PCDHGB3: variants seen among roughly 807,000 people sequenced by gnomAD.
PCDHGB3 encodes the protein protocadherin gamma-B3.
PCDHGB3 carries 40 observed loss-of-function variants against 59.2 expected under a neutral mutation model. The ratio of observed to expected loss-of-function variants is 0.68; its 90% CI spans 0.52 to 0.88. PCDHGB3 has a LOEUF of 0.88. PCDHGB3 is among the 40% of genes least tolerant of loss of function. PCDHGB3 has a pLI of 0.00. For missense variants in PCDHGB3, 1,309 were observed against 1,187.9 expected, an observed-to-expected ratio of 1.10 and a Z score of -1.50; for synonymous variants, 581 against 503.6, an observed-to-expected ratio of 1.15 and a Z score of -2.06.
chr5:141,435,853 T>C (rs1034164236), intron 1 of PCDHGB3, among the ~76,000 whole-genome samples: 1 of 152,110 alleles, frequency 6.6e-6, no homozygotes, highest in African/African-American at 2.4e-5. Context: ...AAAGATACAA[T>C]AGTTAAAACC....
intron 1 of PCDHGB3, chr5:141,404,222 G>A (rs1407928050): frequency 6.2e-7 from 1 of 1,613,616 alleles, no homozygotes; most frequent in Admixed American, 1.7e-5. Context: ...CACGGTGACT[G>A]CAACAGACAG....
intron 1 of PCDHGB3, chr5:141,408,161 C>T: frequency 2.0e-6 from 3 of 1,517,698 alleles, no homozygotes; most frequent in Non-Finnish European, 2.7e-6. Context: ...TGCACTTTCT[C>T]CAACTGGAAA....
At chr5:141,455,837 AT>A (rs2098833014) in intron 1 of PCDHGB3, among the ~76,000 whole-genome samples, 2 of 151,422 alleles carry the variant, frequency 1.3e-5, no homozygotes, top group African/African-American at 4.8e-5. Context: ...TTTCCTGTCT[AT>A]CTGCATAAAA....
intron 1 of PCDHGB3, among the ~76,000 whole-genome samples, chr5:141,433,497 C>G (rs2097615154): frequency 6.6e-6 from 1 of 152,076 alleles, no homozygotes; most frequent in Non-Finnish European, 1.5e-5. Flanking sequence ...CCCTCCCAAA[C>G]TGCTGGGATT....
chr5:141,382,075 C>T (rs1474505918), intron 1 of PCDHGB3, among the ~76,000 whole-genome samples: 3 of 151,956 alleles, frequency 2.0e-5, no homozygotes, highest in Non-Finnish European at 4.4e-5. Flanking sequence ...GTGATCCGCC[C>T]GCCTCGGCCT....
chr5:141,430,632 C>T, intron 1 of PCDHGB3: 1 of 852,604 alleles, frequency 1.2e-6, no homozygotes, highest in Non-Finnish European at 1.7e-6. Flanking sequence ...AATGAACCAT[C>T]CCTGGGAGTA....
Position 141,489,214 on chromosome 5 carries a change from T to TA in PCDHGB3, c.2416-5592dup, listed in dbSNP as rs771766565. On this transcript the variant is annotated intron_variant, in intron 1 of 3. Transcript: ENST00000576222. This position sits in a 1 kb window ranked among gnomAD's most constrained non-coding sequence, Gnocchi z 4.5. ...CCTTGGAGACAGGACAGCACAGACTTACTCTCCACAAAGGGACTTCTGGGT... is the reference window on the plus strand; with the variant it reads ...CCTTGGAGACAGGACAGCACAGACTTAACTCTCCACAAAGGGACTTCTGGGT... 216 of 1,480,534 alleles carry TA rather than the reference T, an allele frequency of 1.5e-4. 4 individuals are homozygous for TA. The South Asian group carries it at 2.1e-3, about 14-fold the overall frequency. 91.7% of individuals were successfully genotyped at this position (1,480,534 alleles called of 1,614,324 possible).
In PCDHGB3 at chr5:141,404,353, A is replaced by G. The variant is rs778714799; in HGVS notation, c.2415+31544A>G. ...TCTACCTCCCGGAAAACAACGCCAGAGGTACTTCCATCTTCTCCGTGATTG... is the reference window on the plus strand; with the variant it reads ...TCTACCTCCCGGAAAACAACGCCAGGGGTACTTCCATCTTCTCCGTGATTG... On this transcript the variant is annotated intron_variant, in intron 1 of 3. Coordinates refer to ENST00000576222, the MANE Select transcript of PCDHGB3 (RefSeq NM_018924.5). 2.0e-5 allele frequency: 33 copies of G among 1,613,948 alleles called. No individual in the cohort carries two copies. In the Admixed American group the frequency reaches 5.5e-4, roughly 27 times the overall value.
intron 1 of PCDHGB3, chr5:141,422,432 A>T: frequency 6.2e-7 from 1 of 1,609,448 alleles, no homozygotes; most frequent in South Asian, 1.1e-5. Context: ...TATGGAAATT[A>T]TTACAAATTG....
chr5:141,425,013 G>T (rs1666336437), intron 1 of PCDHGB3, among the ~76,000 whole-genome samples: 1 of 152,108 alleles, frequency 6.6e-6, no homozygotes, highest in Non-Finnish European at 1.5e-5. Flanking sequence ...TCTCATTTAG[G>T]AATTTACCTT....
At chr5:141,506,566 T>C (rs909998933) in intron 3 of PCDHGB3, among the ~76,000 whole-genome samples, 33 of 152,022 alleles carry the variant, frequency 2.2e-4, no homozygotes, top group Non-Finnish European at 2.9e-5. Flanking sequence ...ACCCCCTCGG[T>C]TTCACTTACT....
chr5:141,419,700 C>T, intron 1 of PCDHGB3: 2 of 1,612,974 alleles, frequency 1.2e-6, no homozygotes, highest in Non-Finnish European at 1.7e-6. Context: ...GCCAGTGAGC[C>T]CGGGCTCTTC....
At chr5:141,388,552 G>C in intron 1 of PCDHGB3, 1 of 1,613,814 alleles carries the variant, frequency 6.2e-7, no homozygotes, top group Non-Finnish European at 8.5e-7. Flanking sequence ...CCACCCCTAA[G>C]CAGCACTGCA....
intron 1 of PCDHGB3, among the ~76,000 whole-genome samples, chr5:141,483,907 C>T (rs545585133): frequency 6.0e-5 from 9 of 151,124 alleles, no homozygotes; most frequent in Non-Finnish European, 1.0e-4. Flanking sequence ...TGGTGTGTTT[C>T]CCACTCAGAT....
intron 1 of PCDHGB3, among the ~76,000 whole-genome samples, chr5:141,466,975 A>C (rs769024064): frequency 2.6e-5 from 4 of 151,842 alleles, no homozygotes; most frequent in Non-Finnish European, 5.9e-5. Context: ...CTCACAGCTC[A>C]TCATTTACCT....
chr5:141,485,416 C>T lies in PCDHGB3; in HGVS notation c.2416-9391C>T, dbSNP rs1311879785. On this transcript the variant is annotated intron_variant, in intron 1 of 3. Coordinates refer to ENST00000576222, the MANE Select transcript of PCDHGB3 (RefSeq NM_018924.5). This position sits in a 1 kb window ranked among gnomAD's most constrained non-coding sequence, Gnocchi z 5.7. Reference sequence around the variant, plus strand: ...GACACTTCCGTGTGGATTTGGACAGCGGAGCCCTGCTCATCAAGAACCCAA... The same window carrying T: ...GACACTTCCGTGTGGATTTGGACAGTGGAGCCCTGCTCATCAAGAACCCAA... 10 of 1,613,988 alleles carry T rather than the reference C, an allele frequency of 6.2e-6. No individual in the cohort carries two copies. Among genetic ancestry groups the T allele is most frequent in the South Asian group, 4.4e-5 (4 of 91,086 alleles).
chr5:141,375,640 C>T (rs1375647493), intron 1 of PCDHGB3: 1 of 1,614,226 alleles, frequency 6.2e-7, no homozygotes, highest in Non-Finnish European at 8.5e-7. Flanking sequence ...CCCTGCGCTC[C>T]TTCGACTATG....
chr5:141,503,763 T>C (rs1014883264), intron 2 of PCDHGB3, among the ~76,000 whole-genome samples: 1 of 152,174 alleles, frequency 6.6e-6, no homozygotes, highest in Non-Finnish European at 1.5e-5. Context: ...ATGGCAGCCT[T>C]GTGTCTGTTC....
chr5:141,467,063 T>C (rs1405374001), intron 1 of PCDHGB3, among the ~76,000 whole-genome samples: 2 of 151,716 alleles, frequency 1.3e-5, no homozygotes, highest in African/African-American at 2.4e-5. Flanking sequence ...TTCTTTTTTT[T>C]TTTTTTTTAG....
Sources: allele counts gnomAD v4.1 joint callset (sites outside exome capture counted in the v4.1 genomes callset), GRCh38; gene constraint gnomAD v4.1.1; non-coding constraint Gnocchi (gnomAD v3.1); transcripts MANE v1.5; gene names NCBI Gene and HGNC (gene_info 2026-07-23, HGNC 2026-07-21).